Variants in GMPR2 observed in about 807,000 individuals in gnomAD.
GMPR2 encodes guanosine monophosphate reductase 2, also known as GMP reductase 2.
A neutral mutation model predicts 38.5 loss-of-function variants in GMPR2; 32 were observed. The ratio of observed to expected loss-of-function variants is 0.83; its 90% confidence interval spans 0.63 to 1.12. The LOEUF (loss-of-function observed/expected upper bound fraction) is 1.12, where lower values mean the gene tolerates loss of function less well. Among genes scored for constraint, GMPR2 ranks in the 50% most tolerant of loss-of-function variants. The pLI, the probability that GMPR2 is intolerant of heterozygous loss-of-function variation, is 0.00. For missense variants in GMPR2, 396 were observed against 432.1 expected, an observed-to-expected ratio of 0.92 and a Z score of 0.74; for synonymous variants, 154 against 151.0, an observed-to-expected ratio of 1.02 and a Z score of -0.15.
intron 5 of GMPR2, 69 bp from the exon 6 acceptor site, chr14:24,237,002 A>C (rs2040374621): frequency 8.8e-7 from 1 of 1,142,366 alleles, no homozygotes; most frequent in Non-Finnish European, 1.3e-6. Context: ...TGGTCCATGC[A>C]TACCGTAACA....
At position 24,234,145 on chromosome 14, in the gene GMPR2, G is replaced by A. The variant is rs184558652; in HGVS notation, c.207+547G>A. 156 of 1,289,222 alleles carry A rather than the reference G, an allele frequency of 1.2e-4. 1 individual carries two copies. Among genetic ancestry groups the A allele is most frequent in the Middle Eastern group, 8.5e-4 (4 of 4,696 alleles). The allele number at this position is 1,289,222 out of a possible 1,614,324, so 79.9% of individuals were successfully genotyped here. A position where few individuals can be genotyped will look rare whatever the true frequency, so the allele number is the denominator to read the frequency against. On this transcript the variant is annotated intron_variant, in intron 3 of 9. Transcript: ENST00000399440. ...GGAGTTTCTGGGATGTGCCCCAAAT[G>A]GGATGTGTTTTTCTTATATACAAGT...
Position 24,238,370 on chromosome 14 carries a change from C to G in GMPR2, c.822C>G (p.Ala274=). 1 of 1,613,922 alleles carries G rather than the reference C, an allele frequency of 6.2e-7. No homozygotes were observed. Among genetic ancestry groups the G allele is most frequent in the Non-Finnish European group, 8.5e-7 (1 of 1,179,994 alleles). The change falls in exon 9 of 10, where the codon GCC becomes GCG. Residue 274 remains alanine, a synonymous_variant. Transcript: ENST00000399440. ...TCTATGGAATGAGTTCTGAAATGGCCATGAAGAAGTATGCTGGGGGCGTGG... is the reference window on the plus strand; with the variant it reads ...TCTATGGAATGAGTTCTGAAATGGCGATGAAGAAGTATGCTGGGGGCGTGG... ...KLFYGMSSEM[A]MKKYAGGVAE... is the part of the protein sequence containing the mutation.
rs370445276 is a variant in GMPR2, at chr14:24,238,616, T to G, written c.885T>G (p.Val295=). 1.9e-6 allele frequency: 3 copies of G among 1,613,980 alleles called. No individual in the cohort carries two copies. The African/African-American group carries it at 4.0e-5, about 22-fold the overall frequency. The stretch of plus-strand genomic sequence containing the variant: ...CCTCAGAGGGAAAGACAGTGGAAGT[T>G]CCTTTTAAAGGAGATGTGGAACATA... ...YRASEGKTVE[V]PFKGDVEHTI... is the part of the protein sequence containing the mutation. The change falls in exon 10 of 10, where the codon GTT becomes GTG. Residue 295 remains valine (V), a synonymous_variant. Coordinates refer to ENST00000399440, the MANE Select transcript of GMPR2 (RefSeq NM_001002002.3).
chr14:24,237,331 C>A lies in GMPR2; in HGVS notation c.634C>A (p.Leu212Ile). The change falls in exon 7 of 10, where the codon CTC (leucine) becomes ATC (isoleucine). Residue 212 changes from leucine to isoleucine, a missense_variant. Transcript: ENST00000399440. ...GGAGTGTGCAGATGCTGCTCATGGC[C>A]TCAAAGGCCACATCATTTCAGTAAG... ...VMECADAAHG[L>I]KGHIISDGGC... 6.2e-7 allele frequency: 1 copy of A among 1,606,240 alleles called. No individual in the cohort carries two copies. The highest frequency in any genetic ancestry group is 8.5e-7 in the Non-Finnish European group (1 of 1,172,808).
Position 24,233,322 on chromosome 14 carries a change from C to T in GMPR2, c.69C>T (p.Thr23=). The change falls in exon 2 of 10, where the codon ACC becomes ACT. Residue 23 remains threonine, a synonymous_variant. Transcript: ENST00000399440. Reference sequence around the variant, plus strand: ...TCCTTTTGAGGCCCAAACGCAGTACCCTTAAGTCTCGAAGTGAGGTGAGCA... The same window carrying T: ...TCCTTTTGAGGCCCAAACGCAGTACTCTTAAGTCTCGAAGTGAGGTGAGCA... ...KDVLLRPKRS[T]LKSRSEVDLT... 6.2e-7 allele frequency: 1 copy of T among 1,614,102 alleles called. No homozygotes were observed. Among genetic ancestry groups the T allele is most frequent in the Non-Finnish European group, 8.5e-7 (1 of 1,179,994 alleles).
chr14:24,236,745 A>G (rs1348023877), intron 5 of GMPR2, among the ~76,000 whole-genome samples: 2 of 152,282 alleles, frequency 1.3e-5, no homozygotes, highest in East Asian at 3.9e-4. Flanking sequence ...GCCTCACTGA[A>G]TGCTCCTCCA....
Position 24,238,935 on chromosome 14 carries a change from T to A in GMPR2, c.*157T>A. 1 of 711,686 alleles carries A rather than the reference T, an allele frequency of 1.4e-6. No individual in the cohort carries two copies. The highest frequency in any genetic ancestry group is 2.5e-6 in the Non-Finnish European group (1 of 396,530). The allele number at this position is 711,686 out of a possible 1,614,324, so 44.1% of individuals were successfully genotyped here. A position where few individuals can be genotyped will look rare whatever the true frequency, so the allele number is the denominator to read the frequency against. ...CCTGCAGTAACTCTGTACTTCTCTA[T>A]CTGCACACACAAAATGCCCAAGGCA... On this transcript the variant is annotated 3_prime_UTR_variant, in exon 10 of 10. Transcript: ENST00000399440.
chr14:24,237,867 C>T (rs2040421495), intron 8 of GMPR2: 1 of 496,618 alleles, frequency 2.0e-6, no homozygotes, highest in South Asian at 3.3e-5. Flanking sequence ...TCATTTTGCA[C>T]AGCTTCCCAG....
intron 5 of GMPR2, 127 bp from the exon 6 acceptor site, chr14:24,236,944 G>A (rs924729654): frequency 1.1e-4 from 82 of 753,216 alleles, no homozygotes; most frequent in Non-Finnish European, 1.7e-4. Flanking sequence ...AGAGGGCCCA[G>A]TAGAGGGGAC....
rs752128886 is a variant in GMPR2 at position 24,237,121 on chromosome 14, G to C, written c.516G>C (p.Gly172=). Reference sequence around the variant, plus strand: ...TGGTAGAAGAGCTCATCCTTTCTGGGGCTGACATCATCAAAGTGGGAATTG... The same window carrying C: ...TGGTAGAAGAGCTCATCCTTTCTGGCGCTGACATCATCAAAGTGGGAATTG... ...GEMVEELILS[G]ADIIKVGIGP... The change falls in exon 6 of 10, where the codon GGG becomes GGC. Residue 172 remains glycine, a synonymous_variant. Coordinates refer to ENST00000399440, the MANE Select transcript of GMPR2 (RefSeq NM_001002002.3). 6 of 1,612,742 alleles carry C rather than the reference G, an allele frequency of 3.7e-6. No individual in the cohort carries two copies. The highest frequency in any genetic ancestry group is 5.1e-6 in the Non-Finnish European group (6 of 1,178,836).
At chr14:24,235,944 C>T (rs1363122093) in intron 4 of GMPR2, 23 bp from the exon 5 acceptor site, 1 of 1,612,392 alleles carries the variant, frequency 6.2e-7, no homozygotes, top group South Asian at 1.1e-5. Context: ...TCTGATATGC[C>T]AATGACTCTG....
intron 8 of GMPR2, 26 bp from the exon 9 acceptor site, chr14:24,238,220 C>CT (rs757446321): frequency 6.3e-7 from 1 of 1,591,382 alleles, no homozygotes; most frequent in Non-Finnish European, 8.6e-7. Flanking sequence ...AGATTAATCT[C>CT]TTTCCCCCCT....
Position 24,235,957 on chromosome 14 carries a change from T to G in GMPR2, c.292-10T>G, listed in dbSNP as rs1364690957. 1 of 1,613,680 alleles carries G rather than the reference T, an allele frequency of 6.2e-7. No individual in the cohort carries two copies. The highest frequency in any genetic ancestry group is 1.7e-5 in the Admixed American group (1 of 60,026). On this transcript the variant is annotated splice_polypyrimidine_tract_variant and intron_variant, in intron 4 of 9. Transcript: ENST00000399440. Reference sequence around the variant, plus strand: ...TCTCTGATATGCCAATGACTCTGTTTCTCCCACAGCATCTGGCTGCCAGCT... The same window carrying G: ...TCTCTGATATGCCAATGACTCTGTTGCTCCCACAGCATCTGGCTGCCAGCT...
chr14:24,234,883 T>C (rs1404287547), intron 3 of GMPR2, among the ~76,000 whole-genome samples: 1 of 150,876 alleles, frequency 6.6e-6, no homozygotes, highest in Non-Finnish European at 1.5e-5. Context: ...ATTGTTGATC[T>C]CTGAGTACGT....
At chr14:24,232,905 A>C (rs981469614), upstream of GMPR2, 7 of 419,338 alleles carry the variant, frequency 1.7e-5, no homozygotes, top group African/African-American at 1.4e-4. Context: ...CGTCGCCAAC[A>C]TTCCTTCGTT....
intron 8 of GMPR2, 180 bp downstream of exon 8, chr14:24,237,742 AAGTGTGGGC>A: frequency 1.6e-6 from 1 of 635,228 alleles, no homozygotes; most frequent in Non-Finnish European, 2.8e-6. Flanking sequence ...CTGAGACTCC[AAGTGTGGGC>A]CAGGGCCATC....
At chr14:24,232,661 G>A, upstream of GMPR2, 2 of 273,326 alleles carry the variant, frequency 7.3e-6, no homozygotes, top group Non-Finnish European at 7.2e-6. Flanking sequence ...ACCTCAGTGC[G>A]TGAACTCTGT....
At chr14:24,233,134 C>T (rs1021194964) in intron 1 of GMPR2, 85 bp from the exon 2 acceptor site, 54 of 1,591,238 alleles carry the variant, frequency 3.4e-5, no homozygotes, top group Non-Finnish European at 4.6e-5. Context: ...CGACCTTCCA[C>T]AACTTAAGCG....
In GMPR2 at chr14:24,238,735, G is replaced by T; in HGVS notation, c.1004G>T (p.Arg335Leu). Residue 335 changes from arginine to leucine, a missense_variant, in exon 10 of 10, where the codon CGA (arginine) becomes CTA (leucine). Transcript: ENST00000399440. ...KELSRRTTFI[R>L]VTQQVNPIFS... ...TTGAGCAGGAGAACTACCTTCATCCGAGTCACCCAGCAGGTGAATCCAATC... is the reference window on the plus strand; with the variant it reads ...TTGAGCAGGAGAACTACCTTCATCCTAGTCACCCAGCAGGTGAATCCAATC... 6.2e-7 allele frequency: 1 copy of T among 1,613,864 alleles called. No individual in the cohort carries two copies. Among genetic ancestry groups the T allele is most frequent in the Non-Finnish European group, 8.5e-7 (1 of 1,179,934 alleles).
Sources: allele counts gnomAD v4.1 joint callset (sites outside exome capture counted in the v4.1 genomes callset), GRCh38; gene constraint gnomAD v4.1.1; transcripts MANE v1.5; gene names NCBI Gene and HGNC (gene_info 2026-07-23, HGNC 2026-07-21).